Variants in LIPE observed in about 807,000 individuals in gnomAD.
The protein encoded by LIPE is hormone-sensitive lipase.
A neutral mutation model predicts 88.5 loss-of-function variants in LIPE; 66 were observed. The observed-to-expected ratio is 0.75, with a 90% CI of 0.61 to 0.91. LIPE has a LOEUF of 0.91. Ranked by LOEUF, LIPE falls within the 40% of genes least tolerant of loss-of-function variation. LIPE has a pLI of 0.00. For synonymous variants in LIPE, 570 were observed against 617.5 expected (o/e 0.92, Z 1.14); for missense variants, 1,346 against 1,434.7 (o/e 0.94, Z 1.00).
At chr19:42,413,523 G>A (rs555796184) in intron 1 of LIPE, among the ~76,000 whole-genome samples, 14 of 152,190 alleles carry the variant, frequency 9.2e-5, no homozygotes, top group African/African-American at 1.4e-4. Flanking sequence ...AAAATTAGCC[G>A]GGCATGGTGG....
At chr19:42,418,023 C>T (rs2040524440) in intron 1 of LIPE, among the ~76,000 whole-genome samples, 1 of 151,032 alleles carries the variant, frequency 6.6e-6, no homozygotes, top group African/African-American at 2.4e-5. Flanking sequence ...GCTCTTGTTG[C>T]CCAGGCTGGA....
Position 42,402,734 on chromosome 19 carries a change from G to A in LIPE, c.2840C>T (p.Pro947Leu). The change falls in exon 9 of 10, where the codon CCC becomes CTC. Residue 947 changes from proline (P) to leucine (L), a missense_variant. Transcript: ENST00000244289. ...VRAAFPEGFH[P>L]RRSSQGATQM... The stretch of plus-strand genomic sequence containing the variant: ...TGTGGCACCCTGGCTGGAGCGTCGG[G>A]GGTGGAAACCCTCGGGGAAGGCGGC... 2.6e-6 allele frequency: 4 copies of A among 1,565,506 alleles called. No homozygotes were observed. Among genetic ancestry groups the A allele is most frequent in the Non-Finnish European group, 3.5e-6 (4 of 1,150,146 alleles).
intron 1 of LIPE, among the ~76,000 whole-genome samples, chr19:42,421,488 C>A (rs1310866628): frequency 6.6e-6 from 1 of 152,144 alleles, no homozygotes; most frequent in Non-Finnish European, 1.5e-5. Context: ...TATCTGTGTC[C>A]CCAGCTCAAC....
In LIPE at chr19:42,407,295, CTGGGCCCAGCTCT is replaced by C. The variant is rs2040217008; in HGVS notation, c.2003_2015del (p.Lys668ArgfsTer97). ...TGGAGATGATGGGGGCGCCCAGCTCCTGGGCCCAGCTCTTGAGGTAGGGCTCGTGGGATCTGGA... is the reference window on the plus strand; with the variant it reads ...TGGAGATGATGGGGGCGCCCAGCTCCTGAGGTAGGGCTCGTGGGATCTGGA... On this transcript the variant is annotated frameshift_variant, in exon 6 of 10. Coordinates refer to ENST00000244289, the MANE Select transcript of LIPE (RefSeq NM_005357.4). LOFTEE classifies it high-confidence loss of function. This position sits in a 1 kb window ranked among gnomAD's most constrained non-coding sequence, Gnocchi z 5.8. 1 of 1,610,358 alleles carries C rather than the reference CTGGGCCCAGCTCT, an allele frequency of 6.2e-7. No individual in the cohort carries two copies. Among genetic ancestry groups the C allele is most frequent in the African/African-American group, 1.3e-5 (1 of 74,972 alleles).
rs142099480 is a variant in LIPE, at chr19:42,410,736, C to T, written c.990G>A (p.Thr330=). 1.2e-5 allele frequency: 20 copies of T among 1,613,910 alleles called. No individual in the cohort carries two copies. The East Asian group carries it at 2.0e-4, about 16-fold the overall frequency. ...AFFSSQGPGE[T]AQRLSGVFAG... ...CAAAAACGCCTGACAGCCGCTGGGC[C>T]GTTTCCCCAGGACCCTGGCTCGAGA... The change falls in exon 2 of 10, where the codon ACG becomes ACA. Residue 330 remains threonine (T), a synonymous_variant. Transcript: ENST00000244289. This position sits in a 1 kb window ranked among gnomAD's most constrained non-coding sequence, Gnocchi z 6.1.
Position 42,401,588 on chromosome 19 carries a change from G to T in LIPE, c.*224C>A. 10 of 502,474 alleles carry T rather than the reference G, an allele frequency of 2.0e-5. 1 individual carries two copies. The South Asian group carries it at 3.0e-4, about 15-fold the overall frequency. 31.1% of individuals were successfully genotyped at this position (502,474 alleles called of 1,614,324 possible). ...GCCAGTCCCCGTCCCTGCGGCGGTC[G>T]CCGCAGCAGCAGCAGCAAAAGGCAG... On this transcript the variant is annotated 3_prime_UTR_variant, in exon 10 of 10. Coordinates refer to ENST00000244289, the MANE Select transcript of LIPE (RefSeq NM_005357.4).
In LIPE at chr19:42,407,590, G is replaced by A; in HGVS notation, c.1842+16C>T. On this transcript the variant is annotated intron_variant, in intron 5 of 9. Coordinates refer to ENST00000244289, the MANE Select transcript of LIPE (RefSeq NM_005357.4). This position sits in a 1 kb window ranked among gnomAD's most constrained non-coding sequence, Gnocchi z 5.8. The stretch of plus-strand genomic sequence containing the variant: ...CTCGGCTCTGTCCCTGTCCCTGGCT[G>A]AGGCTGGAACCCTACCTGTCCTTCA... 1 of 1,596,990 alleles carries A rather than the reference G, an allele frequency of 6.3e-7. No individual in the cohort carries two copies. Among genetic ancestry groups the A allele is most frequent in the Non-Finnish European group, 8.5e-7 (1 of 1,170,368 alleles).
In LIPE at chr19:42,406,370, A is replaced by C. The variant is rs1486262774; in HGVS notation, c.2156T>G (p.Ile719Ser). ...CALLGSTGERICLAGDSAGGN... is the reference protein window; with the variant it reads ...CALLGSTGERSCLAGDSAGGN... ...GCCTGCACTGTCCCCCGCAAGGCAG[A>C]TTCGTTCCCCTGTTGAGCCTGGTTT... The change falls in exon 7 of 10, where the codon ATC becomes AGC. Residue 719 changes from isoleucine (I) to serine (S), a missense_variant. Ile to Ser is a moderately radical substitution (Grantham distance 142). Transcript: ENST00000244289. This position sits in a 1 kb window ranked among gnomAD's most constrained non-coding sequence, Gnocchi z 5.7. 6.2e-7 allele frequency: 1 copy of C among 1,613,256 alleles called. No individual in the cohort carries two copies. The highest frequency in any genetic ancestry group is 8.5e-7 in the Non-Finnish European group (1 of 1,179,370).
At chr19:42,424,910 G>A (rs940854660) in intron 1 of LIPE, 3 of 341,134 alleles carry the variant, frequency 8.8e-6, no homozygotes, top group Non-Finnish European at 1.7e-5. Context: ...GCGAGGGAGT[G>A]CCTGCGGTGA....
Position 42,426,597 on chromosome 19 carries a change from C to CT in LIPE, c.552dup (p.Asp185ArgfsTer43). ...CCCTGGACTGGCGTTGTTTGCTTGT[C>CT]TGACTGTTCAGGTGTCTCTTGGGAC... On this transcript the variant is annotated frameshift_variant, in exon 1 of 10. Coordinates refer to ENST00000244289, the MANE Select transcript of LIPE (RefSeq NM_005357.4). LOFTEE classifies it high-confidence loss of function. 6.2e-7 allele frequency: 1 copy of CT among 1,614,222 alleles called. No individual in the cohort carries two copies. Among genetic ancestry groups the CT allele is most frequent in the Non-Finnish European group, 8.5e-7 (1 of 1,180,048 alleles).
At chr19:42,416,653 G>A (rs927089866) in intron 1 of LIPE, among the ~76,000 whole-genome samples, 2 of 152,158 alleles carry the variant, frequency 1.3e-5, no homozygotes, top group Non-Finnish European at 2.9e-5. Context: ...TCAGGATTAC[G>A]CCAAATGTAC....
Position 42,408,535 on chromosome 19 carries a change from G to T in LIPE, c.1420-213C>A. ...CAGCAGATAAGCAAAGCCACGCGCAGTATCATGACAAGGAATGACGAATGG... is the reference window on the plus strand; with the variant it reads ...CAGCAGATAAGCAAAGCCACGCGCATTATCATGACAAGGAATGACGAATGG... On this transcript the variant is annotated intron_variant, in intron 2 of 9. Coordinates refer to ENST00000244289, the MANE Select transcript of LIPE (RefSeq NM_005357.4). The surrounding 1 kb of genome is among the most constrained non-coding windows in gnomAD (Gnocchi z 4.3). 1 of 560,986 alleles carries T rather than the reference G, an allele frequency of 1.8e-6. No individual in the cohort carries two copies. Among genetic ancestry groups the T allele is most frequent in the Non-Finnish European group, 3.2e-6 (1 of 312,198 alleles). The allele number at this position is 560,986 out of a possible 1,614,324, so 34.8% of individuals were successfully genotyped here.
rs1478944110 is a variant in LIPE, at chr19:42,402,733, G to C, written c.2841C>G (p.Pro947=). The C allele has an allele frequency of 1.3e-6, 2 of 1,563,912 alleles. No individual in the cohort carries two copies. Among genetic ancestry groups the C allele is most frequent in the Non-Finnish European group, 8.7e-7 (1 of 1,149,392 alleles). Residue 947 remains proline (P), a synonymous_variant, in exon 9 of 10, where the codon CCC becomes CCG. Coordinates refer to ENST00000244289, the MANE Select transcript of LIPE (RefSeq NM_005357.4). ...VRAAFPEGFH[P]RRSSQGATQM... The stretch of plus-strand genomic sequence containing the variant: ...GTGTGGCACCCTGGCTGGAGCGTCG[G>C]GGGTGGAAACCCTCGGGGAAGGCGG...
chr19:42,417,380 C>T (rs1279968178), intron 1 of LIPE, among the ~76,000 whole-genome samples: 4 of 152,176 alleles, frequency 2.6e-5, no homozygotes, highest in African/African-American at 9.7e-5. Flanking sequence ...CTACTTCAGC[C>T]TCCTGAGTAG....
At chr19:42,426,101 C>CTTTTTTT (rs1030833973) in intron 1 of LIPE, among the ~76,000 whole-genome samples, 166 bp downstream of exon 1, 2 of 104,094 alleles carry the variant, frequency 1.9e-5, no homozygotes, top group African/African-American at 8.2e-5. Flanking sequence ...TGCGCCCAGC[C>CTTTTTTT]TTTTTTTTTT....
At position 42,401,752 on chromosome 19, in the gene LIPE, T is replaced by C; in HGVS notation, c.*60A>G. 7 of 668,532 alleles carry C rather than the reference T, an allele frequency of 1.0e-5. No homozygotes were observed. Among genetic ancestry groups the C allele is most frequent in the Non-Finnish European group, 1.1e-5 (6 of 556,984 alleles). 41.4% of individuals were successfully genotyped at this position (668,532 alleles called of 1,614,324 possible). A position where few individuals can be genotyped will look rare whatever the true frequency, so the allele number is the denominator to read the frequency against. Reference sequence around the variant, plus strand: ...TAAGTAAGGCACAGCCCGCGTCCCCTTCCGCCCGGCCCGGAAGGCATTCAT... The same window carrying C: ...TAAGTAAGGCACAGCCCGCGTCCCCCTCCGCCCGGCCCGGAAGGCATTCAT... On this transcript the variant is annotated 3_prime_UTR_variant, in exon 10 of 10. Coordinates refer to ENST00000244289, the MANE Select transcript of LIPE (RefSeq NM_005357.4).
chr19:42,423,556 C>A, intron 1 of LIPE: 1 of 1,236,818 alleles, frequency 8.1e-7, no homozygotes, highest in Non-Finnish European at 1.0e-6. Context: ...GCGGTCCTCC[C>A]GCGGGGGCCA....
In LIPE at chr19:42,406,482, C is replaced by G; in HGVS notation, c.2138-94G>C. The G allele has an allele frequency of 9.2e-7, 1 of 1,089,362 alleles. No individual in the cohort carries two copies. The highest frequency in any genetic ancestry group is 1.4e-6 in the Non-Finnish European group (1 of 731,810). 67.5% of individuals were successfully genotyped at this position (1,089,362 alleles called of 1,614,324 possible). On this transcript the variant is annotated intron_variant, in intron 6 of 9. Transcript: ENST00000244289. The surrounding 1 kb of genome is among the most constrained non-coding windows in gnomAD (Gnocchi z 5.7). ...GAACTCAAGCTGGGAGAACTGGGCT[C>G]TCCAAGGTGGGGTGTGGGGCACTCC... is the stretch of plus-strand genomic sequence containing the variant.
Position 42,406,154 on chromosome 19 carries a change from G to A in LIPE, c.2365+7C>T. ...TCCTGTTTCCCTGCTGAGGGTGTGGGCCTCACCAGCATAGGCGCTGACACA... is the reference window on the plus strand; with the variant it reads ...TCCTGTTTCCCTGCTGAGGGTGTGGACCTCACCAGCATAGGCGCTGACACA... On this transcript the variant is annotated splice_region_variant and intron_variant, in intron 7 of 9. Transcript: ENST00000244289. This position sits in a 1 kb window ranked among gnomAD's most constrained non-coding sequence, Gnocchi z 5.7. 6.3e-7 allele frequency: 1 copy of A among 1,595,460 alleles called. No homozygotes were observed. Among genetic ancestry groups the A allele is most frequent in the Non-Finnish European group, 8.6e-7 (1 of 1,164,990 alleles).
Sources: allele counts gnomAD v4.1 joint callset (sites outside exome capture counted in the v4.1 genomes callset), GRCh38; gene constraint gnomAD v4.1.1; non-coding constraint Gnocchi (gnomAD v3.1); transcripts MANE v1.5; gene names NCBI Gene and HGNC (gene_info 2026-07-23, HGNC 2026-07-21).